The following CDYL variants were observed in gnomAD, a reference collection of about 807,000 sequenced individuals.
CDYL encodes the protein chromodomain Y like, also known as chromodomain Y-like protein.
CDYL carries 8 observed loss-of-function variants against 47.3 expected under a neutral mutation model. The observed-to-expected ratio is 0.17, with a 90% CI of 0.10 to 0.31. The LOEUF (loss-of-function observed/expected upper bound fraction) is 0.31, where lower values mean the gene tolerates loss of function less well. CDYL is among the 10% of genes least tolerant of loss of function. The probability of loss-of-function intolerance (pLI) is 1.00; values close to 1 mark genes in which losing one functional copy is unlikely to be tolerated. For synonymous variants in CDYL, 266 were observed against 265.0 expected, an observed-to-expected ratio of 1.00 and a Z score of -0.04; for missense variants, 471 against 701.4, an observed-to-expected ratio of 0.67 and a Z score of 3.71.
chr6:4,796,300 C>CA (rs1037739882), intron 1 of CDYL, among the ~76,000 whole-genome samples: 48 of 152,066 alleles, frequency 3.2e-4, no homozygotes, highest in African/African-American at 1.1e-3. Context: ...AAATGAAAAC[C>CA]AAAAAATGAT....
intron 2 of CDYL, among the ~76,000 whole-genome samples, chr6:4,900,829 A>ATATATATATATATATC (rs1757026164): frequency 7.5e-5 from 6 of 80,250 alleles, no homozygotes; most frequent in Non-Finnish European, 1.0e-4. Context: ...ATATATATAT[A>ATATATATATATATATC]TCTTGCCTGT....
At chr6:4,948,901 T>C (rs1394127151) in intron 5 of CDYL, among the ~76,000 whole-genome samples, 4 of 152,266 alleles carry the variant, frequency 2.6e-5, no homozygotes, top group African/African-American at 9.6e-5. Context: ...GCAGATGATG[T>C]AAATGATGTC....
Position 4,902,280 on chromosome 6 carries a change from C to T in CDYL, c.691+9901C>T, listed in dbSNP as rs950784866. 9.9e-5 allele frequency among the ~76,000 whole-genome samples: 15 copies of T among 152,062 alleles called. No individual in the cohort carries two copies. The East Asian group carries it at 2.1e-3, about 22-fold the overall frequency. ...AATTAGCCGGGCGTGGTGGCGCATG[C>T]CTGTAAACCCAGCTACTCGGGAGGC... is the stretch of plus-strand genomic sequence containing the variant. On this transcript the variant is annotated intron_variant, in intron 2 of 6. Coordinates refer to ENST00000397588, the MANE Select transcript of CDYL (RefSeq NM_004824.4).
rs370421545 is a variant in CDYL, at chr6:4,718,185, T to C, written c.103+2304T>C. Among the ~76,000 whole-genome samples the C allele has an allele frequency of 2.6e-5, 4 of 152,154 alleles. No individual in the cohort carries two copies. The East Asian group carries it at 5.8e-4, about 22-fold the overall frequency. On this transcript the variant is annotated intron_variant, in intron 2 of 8. Transcript: ENST00000328908. Reference sequence around the variant, plus strand: ...CTAAGACATTTGCAATAACAGATTATGTATTATGCCATAGACCAGGAAATA... The same window carrying C: ...CTAAGACATTTGCAATAACAGATTACGTATTATGCCATAGACCAGGAAATA...
intron 2 of CDYL, among the ~76,000 whole-genome samples, chr6:4,907,063 G>A (rs1325999132): frequency 6.6e-6 from 1 of 152,148 alleles, no homozygotes; most frequent in African/African-American, 2.4e-5. Context: ...TCTGTGTAAC[G>A]CTGTGACAGC....
At chr6:4,766,208 T>C (rs1474931621) in intron 3 of CDYL, among the ~76,000 whole-genome samples, 2 of 152,102 alleles carry the variant, frequency 1.3e-5, no homozygotes, top group South Asian at 4.1e-4. Context: ...CCTTTTTTGT[T>C]TGTTTGTTTT....
chr6:4,880,734 TGTAGTG>T (rs1388896669), intron 1 of CDYL, among the ~76,000 whole-genome samples: 1 of 152,236 alleles, frequency 6.6e-6, no homozygotes, highest in African/African-American at 2.4e-5. Flanking sequence ...CCAATAGATG[TGTAGTG>T]GTATCTCAGT....
At chr6:4,859,647 T>G (rs1314364142) in intron 1 of CDYL, among the ~76,000 whole-genome samples, 1 of 152,198 alleles carries the variant, frequency 6.6e-6, no homozygotes. Flanking sequence ...TGCTAAAGTT[T>G]TAGGGACTCT....
At position 4,891,939 on chromosome 6, in the gene CDYL, C is replaced by G. The variant is rs1762054687; in HGVS notation, c.251C>G (p.Ser84Cys). The G allele has an allele frequency of 6.2e-7, 1 of 1,614,128 alleles. No individual in the cohort carries two copies. Reference sequence around the variant, plus strand: ...CCCAACAATGCTAGGAAACAAATCTCCAGATCCACCAACAGCAACTTTTCT... The same window carrying G: ...CCCAACAATGCTAGGAAACAAATCTGCAGATCCACCAACAGCAACTTTTCT... ...TSPNNARKQI[S>C]RSTNSNFSKT... Residue 84 changes from serine to cysteine, a missense_variant, in exon 2 of 7, where the codon TCC (serine) becomes TGC (cysteine). Coordinates refer to ENST00000397588, the MANE Select transcript of CDYL (RefSeq NM_004824.4).
At chr6:4,843,949 G>A (rs766030613) in intron 1 of CDYL, among the ~76,000 whole-genome samples, 1 of 152,038 alleles carries the variant, frequency 6.6e-6, no homozygotes, top group Admixed American at 6.6e-5. Context: ...TTCTCATTTG[G>A]GTATACTATG....
At chr6:4,915,437 G>A (rs1473896088) in intron 2 of CDYL, among the ~76,000 whole-genome samples, 1 of 152,158 alleles carries the variant, frequency 6.6e-6, no homozygotes, top group Non-Finnish European at 1.5e-5. Flanking sequence ...ACTGCCTCTT[G>A]GCCAAGGGGA....
chr6:4,883,478 C>G (rs1279205338), intron 1 of CDYL, among the ~76,000 whole-genome samples: 2 of 152,198 alleles, frequency 1.3e-5, no homozygotes, highest in Non-Finnish European at 2.9e-5. Context: ...CCTGCACCTG[C>G]CACACAGAAC....
intron 3 of CDYL, among the ~76,000 whole-genome samples, chr6:4,746,140 T>C (rs1288712998): frequency 6.6e-6 from 1 of 151,570 alleles, no homozygotes; most frequent in Non-Finnish European, 1.5e-5. Flanking sequence ...CTGAGGCAGG[T>C]GGATCGCGAG....
intron 1 of CDYL, among the ~76,000 whole-genome samples, chr6:4,879,826 C>T (rs993330357): frequency 3.9e-5 from 6 of 152,122 alleles, no homozygotes; most frequent in Admixed American, 2.0e-4. Context: ...TCCGAAAGTA[C>T]TGGGATTACA....
chr6:4,770,102 G>A (rs993537137), intron 3 of CDYL, among the ~76,000 whole-genome samples: 1 of 152,028 alleles, frequency 6.6e-6, no homozygotes, highest in Non-Finnish European at 1.5e-5. Flanking sequence ...CTTCCAAAGT[G>A]CTGGGATTAC....
In CDYL at chr6:4,892,212, A is replaced by T. The variant is rs368633486; in HGVS notation, c.524A>T (p.Asp175Val). ...KLDPVEQGQE[D>V]TVAPEVAAEK... Reference sequence around the variant, plus strand: ...GACCCCGTCGAGCAGGGTCAGGAGGACACAGTGGCACCCGAAGTGGCAGCG... The same window carrying T: ...GACCCCGTCGAGCAGGGTCAGGAGGTCACAGTGGCACCCGAAGTGGCAGCG... The change falls in exon 2 of 7, where the codon GAC becomes GTC. Residue 175 changes from aspartate to valine, a missense_variant. By Grantham distance (152) the Asp-to-Val change is radical. This residue lies in a region of CDYL where 311 missense variants were observed against 350.0 expected (regional missense o/e 0.89). Coordinates refer to ENST00000397588, the MANE Select transcript of CDYL (RefSeq NM_004824.4). The T allele has an allele frequency of 9.9e-6, 16 of 1,614,250 alleles. No homozygotes were observed. In the African/African-American group the frequency reaches 1.7e-4, roughly 17 times the overall value.
intron 1 of CDYL, among the ~76,000 whole-genome samples, chr6:4,810,234 ACTT>A (rs796278494): frequency 3.3e-5 from 5 of 152,260 alleles, no homozygotes; most frequent in African/African-American, 1.2e-4. Context: ...TTTGCATTGT[ACTT>A]CCTAACTCCT....
chr6:4,731,003 G>T (rs1757595332), intron 2 of CDYL, among the ~76,000 whole-genome samples: 1 of 152,186 alleles, frequency 6.6e-6, no homozygotes, highest in African/African-American at 2.4e-5. Context: ...GTTGTTTGCT[G>T]CTTCTTTGCA....
intron 2 of CDYL, among the ~76,000 whole-genome samples, chr6:4,725,178 A>T (rs555652708): frequency 1.3e-4 from 20 of 152,346 alleles, no homozygotes; most frequent in East Asian, 3.9e-4. Flanking sequence ...AGCTAGATAC[A>T]GAGTGCTGAT....
Sources: allele counts gnomAD v4.1 joint callset (sites outside exome capture counted in the v4.1 genomes callset), GRCh38; gene constraint gnomAD v4.1.1; regional missense constraint gnomAD v4.1.1; transcripts MANE v1.5; gene names NCBI Gene and HGNC (gene_info 2026-07-23, HGNC 2026-07-21).